Variants in STRBP observed in about 807,000 individuals in gnomAD.
STRBP encodes spermatid perinuclear RNA-binding protein.
STRBP carries 13 observed loss-of-function variants against 80.1 expected under a neutral mutation model. The ratio of observed to expected loss-of-function variants is 0.16; its 90% CI spans 0.11 to 0.26. The LOEUF is 0.26. Among genes scored for constraint, STRBP ranks in the 10% least tolerant of loss-of-function variants. The pLI is 1.00. For synonymous variants in STRBP, 284 were observed against 291.2 expected (o/e 0.98, Z 0.25); for missense variants, 485 against 815.2 (o/e 0.59, Z 4.93).
intron 1 of STRBP, among the ~76,000 whole-genome samples, chr9:123,260,533 TG>T (rs2041139402): frequency 6.6e-6 from 1 of 152,246 alleles, no homozygotes; most frequent in Admixed American, 6.5e-5. Flanking sequence ...CTCACAAAGC[TG>T]GTAAGTACTT....
At chr9:123,169,142 G>T (rs1588034644) in intron 6 of STRBP, among the ~76,000 whole-genome samples, 2 of 150,666 alleles carry the variant, frequency 1.3e-5, no homozygotes, top group African/African-American at 4.9e-5. Context: ...ACAGCTATTA[G>T]AAGTCAAGAG....
At chr9:123,265,621 C>A (rs2041250281) in intron 1 of STRBP, among the ~76,000 whole-genome samples, 1 of 152,206 alleles carries the variant, frequency 6.6e-6, no homozygotes, top group Admixed American at 6.5e-5. Context: ...CCCTAAGAAT[C>A]TAACACAAGC....
chr9:123,129,123 G>A (rs1010448760), intron 17 of STRBP, among the ~76,000 whole-genome samples: 2 of 152,176 alleles, frequency 1.3e-5, no homozygotes, highest in African/African-American at 4.8e-5. Context: ...TTTGGAGGCT[G>A]TGGCAGGAGG....
At chr9:123,204,486 A>G (rs1169124125) in intron 2 of STRBP, among the ~76,000 whole-genome samples, 1 of 152,244 alleles carries the variant, frequency 6.6e-6, no homozygotes, top group Non-Finnish European at 1.5e-5. Context: ...GCACCAGAAT[A>G]GTACATGACT....
rs138789347 is a variant in STRBP, at chr9:123,251,186, C to CTTCTT, written c.-301-14225_-301-14221dup. Among the ~76,000 whole-genome samples, 92 of 151,920 alleles carry CTTCTT rather than the reference C, an allele frequency of 6.1e-4. 1 individual carries two copies. Among genetic ancestry groups the CTTCTT allele is most frequent in the Admixed American group, 2.4e-3 (37 of 15,248 alleles). On this transcript the variant is annotated intron_variant, in intron 1 of 18. Transcript: ENST00000348403. ...CTTTCTTTTCTTTTTTCTTTCTTTC[C>CTTCTT]TTCTTTTCTTTTCTTTTCTTTCTTT...
intron 1 of STRBP, among the ~76,000 whole-genome samples, chr9:123,237,738 TG>T (rs968328518): frequency 9.2e-5 from 14 of 152,304 alleles, no homozygotes; most frequent in African/African-American, 3.4e-4. Context: ...TTTCAGCAAC[TG>T]GGTTACTTAA....
chr9:123,170,166 G>T, intron 5 of STRBP, 120 bp from the exon 6 acceptor site: 1 of 933,196 alleles, frequency 1.1e-6, no homozygotes, highest in South Asian at 1.9e-5. Context: ...TGCTCAAAGG[G>T]CAAAGAAAGC....
At chr9:123,257,407 A>G (rs1428168562) in intron 1 of STRBP, among the ~76,000 whole-genome samples, 2 of 151,528 alleles carry the variant, frequency 1.3e-5, no homozygotes, top group Admixed American at 6.6e-5. Context: ...TTACCTTTTT[A>G]AAACACACAA....
intron 2 of STRBP, among the ~76,000 whole-genome samples, chr9:123,207,743 A>G (rs1383045469): frequency 6.6e-6 from 1 of 152,152 alleles, no homozygotes; most frequent in African/African-American, 2.4e-5. Context: ...AAAAAGTTCA[A>G]AAAAAGAACA....
At chr9:123,160,174 TAGAAGAGGCAAGTTATATGCACAAA>T (rs1319024560) in intron 8 of STRBP, among the ~76,000 whole-genome samples, 168 bp downstream of exon 8, 7 of 152,192 alleles carry the variant, frequency 4.6e-5, no homozygotes, top group Non-Finnish European at 1.0e-4. Flanking sequence ...TACAATGAGG[TAGAAGAGGCAAGTTATATGCACAAA>T]AGAAGAATTC....
At chr9:123,250,477 C>T (rs149409470) in intron 1 of STRBP, among the ~76,000 whole-genome samples, 7 of 151,902 alleles carry the variant, frequency 4.6e-5, no homozygotes, top group African/African-American at 1.7e-4. Flanking sequence ...CGTTGGGGTC[C>T]TCGATAATGT....
chr9:123,258,730 G>C (rs796478231), intron 1 of STRBP, among the ~76,000 whole-genome samples: 2 of 151,510 alleles, frequency 1.3e-5, no homozygotes, highest in African/African-American at 4.8e-5. Context: ...GAACCCCGGA[G>C]GCAGAGCTTG....
Position 123,146,976 on chromosome 9 carries a change from A to C in STRBP, c.1217T>G (p.Leu406Arg). 1 of 1,614,090 alleles carries C rather than the reference A, an allele frequency of 6.2e-7. No homozygotes were observed. The highest frequency in any genetic ancestry group is 8.5e-7 in the Non-Finnish European group (1 of 1,179,998). Reference protein sequence around the residue: ...NQIRPGLQYKLLSQSGPVHAP... With the variant: ...NQIRPGLQYKRLSQSGPVHAP... Reference sequence around the variant, plus strand: ...ATGAACGGGGCCAGACTGAGATAGGAGCTTATACTGAAGCCCAGGCCTGAT... The same window carrying C: ...ATGAACGGGGCCAGACTGAGATAGGCGCTTATACTGAAGCCCAGGCCTGAT... Residue 406 changes from leucine (L) to arginine (R), a missense_variant, in exon 13 of 19, where the codon CTC becomes CGC. By Grantham distance (102) the Leu-to-Arg change is moderately radical. Coordinates refer to ENST00000348403, the MANE Select transcript of STRBP (RefSeq NM_018387.5).
At chr9:123,150,916 T>A (rs1164770986) in intron 11 of STRBP, among the ~76,000 whole-genome samples, 6 of 152,208 alleles carry the variant, frequency 3.9e-5, no homozygotes, top group Non-Finnish European at 8.8e-5. Context: ...AATCCCTGAC[T>A]ACACTGAAAT....
Position 123,115,941 on chromosome 9 carries a change from C to G in STRBP, c.*72G>C, listed in dbSNP as rs2035638152. The G allele has an allele frequency of 2.2e-6, 1 of 450,330 alleles. No homozygotes were observed. The highest frequency in any genetic ancestry group is 1.6e-5 in the South Asian group (1 of 63,958). 27.9% of individuals were successfully genotyped at this position (450,330 alleles called of 1,614,324 possible). Reference sequence around the variant, plus strand: ...CCCTTAAAAATACCTGGCAGGAGTGCCCACGTTCTCTCCAGGTCTCCTCTT... The same window carrying G: ...CCCTTAAAAATACCTGGCAGGAGTGGCCACGTTCTCTCCAGGTCTCCTCTT... On this transcript the variant is annotated 3_prime_UTR_variant and NMD_transcript_variant, in exon 3 of 4. Transcript: ENST00000471564. This position sits in a 1 kb window ranked among gnomAD's most constrained non-coding sequence, Gnocchi z 5.0.
rs146175552 is a variant in STRBP, at chr9:123,116,037, G to A, written c.231C>T (p.Gly77=). Residue 77 remains glycine, a synonymous_variant and NMD_transcript_variant, in exon 3 of 4, where the codon GGC becomes GGT. Transcript: ENST00000471564. ...TTCAGCTTTCCTGAGTTCCCCAGGT[G>A]CCAATTTCCATAGGTTTTTTACCTC... 705 of 456,242 alleles carry A rather than the reference G, an allele frequency of 1.5e-3. 9 individuals carry two copies. The East Asian group carries it at 0.034, about 22-fold the overall frequency. 28.3% of individuals were successfully genotyped at this position (456,242 alleles called of 1,614,324 possible). A position where few individuals can be genotyped will look rare whatever the true frequency, so the allele number is the denominator to read the frequency against.
intron 1 of STRBP, among the ~76,000 whole-genome samples, chr9:123,267,129 G>A (rs1588171629): frequency 9.0e-6 from 1 of 111,552 alleles, no homozygotes; most frequent in Non-Finnish European, 1.8e-5. Flanking sequence ...ACCCCCTTTT[G>A]CCCTCCACCT....
chr9:123,179,168 G>A lies in STRBP; in HGVS notation c.63C>T (p.Ile21=). The A allele has an allele frequency of 6.2e-7, 1 of 1,613,262 alleles. No homozygotes were observed. The highest frequency in any genetic ancestry group is 1.1e-5 in the South Asian group (1 of 91,062). ...DRHVMVKHST[I]YPSPEELEAV... is the part of the protein sequence containing the mutation. Reference sequence around the variant, plus strand: ...CTTCAAGTTCCTCCGGAGATGGATAGATTGTTGAATGTTTCACCATAACAT... The same window carrying A: ...CTTCAAGTTCCTCCGGAGATGGATAAATTGTTGAATGTTTCACCATAACAT... Residue 21 remains isoleucine (I), a synonymous_variant, in exon 4 of 19, where the codon ATC becomes ATT. Transcript: ENST00000348403.
intron 1 of STRBP, among the ~76,000 whole-genome samples, chr9:123,244,548 G>A (rs1479039253): frequency 6.6e-6 from 1 of 152,160 alleles, no homozygotes; most frequent in Non-Finnish European, 1.5e-5. Context: ...AAAGTCATGA[G>A]GGAAGAAGGT....
Sources: allele counts gnomAD v4.1 joint callset (sites outside exome capture counted in the v4.1 genomes callset), GRCh38; gene constraint gnomAD v4.1.1; non-coding constraint Gnocchi (gnomAD v3.1); transcripts MANE v1.5; gene names NCBI Gene and HGNC (gene_info 2026-07-23, HGNC 2026-07-21).